Variants in DLGAP2 observed in about 807,000 individuals in gnomAD.
DLGAP2 encodes disks large-associated protein 2.
DLGAP2 carries 26 observed loss-of-function variants against 100.3 expected under a neutral mutation model. The ratio of observed to expected loss-of-function variants is 0.26; its 90% CI spans 0.19 to 0.36. The LOEUF (loss-of-function observed/expected upper bound fraction) is 0.36. Ranked by LOEUF, DLGAP2 falls within the 10% of genes least tolerant of loss-of-function variation. The probability of loss-of-function intolerance (pLI) is 1.00; values close to 1 mark genes in which losing one functional copy is unlikely to be tolerated. For synonymous variants in DLGAP2, 886 were observed against 630.1 expected, an observed-to-expected ratio of 1.41 and a Z score of -6.08; for missense variants, 1,858 against 1,453.2, an observed-to-expected ratio of 1.28 and a Z score of -4.53.
rs138450080 is a variant in DLGAP2 at position 1,200,625 on chromosome 8, C to G, written c.74-58226C>G. 5.1e-3 allele frequency among the ~76,000 whole-genome samples: 772 copies of G among 152,280 alleles called. 9 individuals are homozygous for G. Among genetic ancestry groups the G allele is most frequent in the African/African-American group, 0.018 (739 of 41,562 alleles). ...ATTAGCGTCACCAAAGCGTCACTTGCGCTGGACGGCAAACTGCAGATGTTG... is the reference window on the plus strand; with the variant it reads ...ATTAGCGTCACCAAAGCGTCACTTGGGCTGGACGGCAAACTGCAGATGTTG... On this transcript the variant is annotated intron_variant, in intron 2 of 14. Coordinates refer to ENST00000637795, the MANE Select transcript of DLGAP2 (RefSeq NM_001346810.2).
chr8:1,000,755 G>A (rs1374215220), intron 2 of DLGAP2, among the ~76,000 whole-genome samples: 3 of 152,154 alleles, frequency 2.0e-5, no homozygotes, highest in Admixed American at 6.5e-5. Flanking sequence ...CTGCAGGGGC[G>A]TTGGGGGTGA....
At chr8:744,357 G>C (rs1445971501) in intron 1 of DLGAP2, among the ~76,000 whole-genome samples, 2 of 152,146 alleles carry the variant, frequency 1.3e-5, no homozygotes, top group African/African-American at 4.8e-5. Flanking sequence ...GTGAGGAAGG[G>C]TCTTGATCAC....
chr8:1,323,962 T>C (rs1490826612), intron 3 of DLGAP2, among the ~76,000 whole-genome samples: 2 of 152,214 alleles, frequency 1.3e-5, no homozygotes, highest in Admixed American at 6.5e-5. Flanking sequence ...ATAGGATTAA[T>C]GTGGCGCGTT....
At chr8:1,162,017 T>A (rs1796901223) in intron 2 of DLGAP2, among the ~76,000 whole-genome samples, 1 of 152,214 alleles carries the variant, frequency 6.6e-6, no homozygotes. Context: ...CAAGATGCAC[T>A]GGCTGGACCA....
In DLGAP2 at chr8:879,454, G is replaced by C. The variant is rs140297422; in HGVS notation, c.19-28458G>C. On this transcript the variant is annotated intron_variant, in intron 1 of 14. Coordinates refer to ENST00000637795, the MANE Select transcript of DLGAP2 (RefSeq NM_001346810.2). Reference sequence around the variant, plus strand: ...GTCACTTTCCCCAGGTGGGGGTGTTGAGCGCTAGGCTCAGTTTGTCCTGTG... The same window carrying C: ...GTCACTTTCCCCAGGTGGGGGTGTTCAGCGCTAGGCTCAGTTTGTCCTGTG... Among the ~76,000 whole-genome samples the C allele has an allele frequency of 4.7e-3, 713 of 152,308 alleles. 4 individuals are homozygous for C. The highest frequency in any genetic ancestry group is 7.8e-3 in the Non-Finnish European group (530 of 68,032).
At chr8:1,653,763 T>G (rs2130813870) in intron 8 of DLGAP2, among the ~76,000 whole-genome samples, 1 of 152,210 alleles carries the variant, frequency 6.6e-6, no homozygotes, top group East Asian at 1.9e-4. Context: ...TAGGGTCACC[T>G]TAAGATTGAG....
intron 6 of DLGAP2, chr8:1,621,707 T>C (rs1797342861): frequency 6.6e-6 from 1 of 152,338 alleles, no homozygotes; most frequent in African/African-American, 2.4e-5. Flanking sequence ...AGCAAGGGTA[T>C]GGCATTTCCG....
chr8:1,137,141 G>C (rs975437065), intron 2 of DLGAP2, among the ~76,000 whole-genome samples: 1 of 152,118 alleles, frequency 6.6e-6, no homozygotes, highest in African/African-American at 2.4e-5. Context: ...TTGCAGCGTG[G>C]CCTCCTCCTT....
At chr8:1,221,111 T>C (rs2116811685) in intron 2 of DLGAP2, among the ~76,000 whole-genome samples, 1 of 152,332 alleles carries the variant, frequency 6.6e-6, no homozygotes, top group South Asian at 2.1e-4. Flanking sequence ...TGAAGGTTAA[T>C]ATTGGTATGT....
chr8:1,049,750 C>T (rs966798074), intron 2 of DLGAP2, among the ~76,000 whole-genome samples: 3 of 135,698 alleles, frequency 2.2e-5, no homozygotes, highest in African/African-American at 1.2e-4. Context: ...TGAACAGAGA[C>T]ACACAGACGG....
At chr8:1,347,057 G>A (rs1029383396) in intron 3 of DLGAP2, among the ~76,000 whole-genome samples, 2 of 151,192 alleles carry the variant, frequency 1.3e-5, no homozygotes, top group Non-Finnish European at 2.9e-5. Flanking sequence ...CTGTGCGGAG[G>A]ATGAGTTCCA....
chr8:1,251,036 A>G (rs1799028057), intron 2 of DLGAP2, among the ~76,000 whole-genome samples: 3 of 152,346 alleles, frequency 2.0e-5, no homozygotes, highest in South Asian at 4.1e-4. Context: ...TTCTGTGTAC[A>G]TCAACTATCT....
rs572461680 is a variant in DLGAP2, at chr8:874,819, C to T, written c.19-33093C>T. 3.1e-3 allele frequency among the ~76,000 whole-genome samples: 470 copies of T among 152,238 alleles called. 2 individuals are homozygous for T. Among genetic ancestry groups the T allele is most frequent in the African/African-American group, 0.011 (450 of 41,550 alleles). On this transcript the variant is annotated intron_variant, in intron 1 of 14. Coordinates refer to ENST00000637795, the MANE Select transcript of DLGAP2 (RefSeq NM_001346810.2). ...ATCATTAAGAGTGTGGTATTAAAGT[C>T]TTCGGCTATTGTTGAACTTGTGTCT...
intron 6 of DLGAP2, among the ~76,000 whole-genome samples, chr8:1,569,963 G>A (rs973698293): frequency 5.9e-5 from 9 of 152,242 alleles, no homozygotes; most frequent in Non-Finnish European, 1.3e-4. Context: ...GCTCTGTGGA[G>A]GGCAGTGGCG....
At chr8:1,281,333 G>A (rs1799809597) in intron 3 of DLGAP2, among the ~76,000 whole-genome samples, 1 of 152,178 alleles carries the variant, frequency 6.6e-6, no homozygotes, top group Admixed American at 6.5e-5. Context: ...CTCGCTCCCG[G>A]CGAAGGCAGC....
At chr8:769,688 T>C (rs1383344830) in intron 1 of DLGAP2, among the ~76,000 whole-genome samples, 1 of 152,132 alleles carries the variant, frequency 6.6e-6, no homozygotes, top group Non-Finnish European at 1.5e-5. Context: ...GACGGTAGCT[T>C]GGGTTAGGGG....
chr8:1,506,586 A>C (rs571537937), intron 4 of DLGAP2, among the ~76,000 whole-genome samples: 1 of 152,138 alleles, frequency 6.6e-6, no homozygotes. Flanking sequence ...AAGCATCCAC[A>C]CTGCCCAAGA....
intron 5 of DLGAP2, among the ~76,000 whole-genome samples, chr8:1,556,082 G>A (rs1801956481): frequency 6.6e-6 from 1 of 152,210 alleles, no homozygotes; most frequent in African/African-American, 2.4e-5. Context: ...CATGGTGACT[G>A]GGTGCAGAAA....
chr8:1,073,087 C>T (rs1392638593), intron 2 of DLGAP2, among the ~76,000 whole-genome samples: 1 of 152,166 alleles, frequency 6.6e-6, no homozygotes, highest in Non-Finnish European at 1.5e-5. Flanking sequence ...AATAAAAGCC[C>T]ACTGTTGAAG....
Sources: gnomAD v4.1 joint callset for allele counts (sites outside exome capture counted in the v4.1 genomes callset) on GRCh38, gnomAD v4.1.1 for gene constraint, MANE v1.5 for transcripts, NCBI Gene and HGNC (gene_info 2026-07-23, HGNC 2026-07-21) for gene names.